SPINT2: variants seen among roughly 807,000 people sequenced by gnomAD.
The protein encoded by SPINT2 is serine peptidase inhibitor, Kunitz type 2.
SPINT2 carries 18 observed loss-of-function variants against 30.1 expected under a neutral mutation model. The observed-to-expected ratio is 0.60, with a 90% CI of 0.41 to 0.89. SPINT2 has a LOEUF of 0.89. SPINT2 is among the 40% of genes least tolerant of loss of function. The probability of loss-of-function intolerance (pLI) is 0.00; values close to 1 mark genes in which losing one functional copy is unlikely to be tolerated. For synonymous variants in SPINT2, 139 were observed against 137.9 expected (o/e 1.01, Z -0.05); for missense variants, 276 against 334.3 (o/e 0.83, Z 1.36).
At chr19:38,272,806 A>C (rs1968472274) in intron 1 of SPINT2, among the ~76,000 whole-genome samples, 1 of 152,042 alleles carries the variant, frequency 6.6e-6, no homozygotes, top group South Asian at 2.1e-4. Context: ...TGCAACCTCC[A>C]CCTTCTGGGT....
Position 38,283,752 on chromosome 19 carries a change from T to C in SPINT2, c.232T>C (p.Tyr78His). ...GGGCTGTGACGGAAACAGCAATAAT[T>C]ACCTGACCAAGGAGGAGTGCCTCAA... ...YGGCDGNSNN[Y>H]LTKEECLKKC... Residue 78 changes from tyrosine to histidine, a missense_variant, in exon 2 of 7, where the codon TAC (tyrosine) becomes CAC (histidine). Transcript: ENST00000301244. The C allele has an allele frequency of 6.2e-7, 1 of 1,613,860 alleles. No homozygotes were observed. The highest frequency in any genetic ancestry group is 8.5e-7 in the Non-Finnish European group (1 of 1,179,996).
At chr19:38,283,604 C>T (rs767603600) in intron 1 of SPINT2, 23 bp from the exon 2 acceptor site, 2 of 1,613,696 alleles carry the variant, frequency 1.2e-6, no homozygotes, top group East Asian at 4.5e-5. Context: ...GCCAAGCTAA[C>T]CGGGTTGTGC....
At chr19:38,275,485 G>A (rs568510175) in intron 1 of SPINT2, among the ~76,000 whole-genome samples, 7 of 151,804 alleles carry the variant, frequency 4.6e-5, no homozygotes, top group Admixed American at 1.3e-4. Flanking sequence ...CCACTGTGCC[G>A]GGCTAAGTTT....
chr19:38,280,623 C>T (rs1208732489), intron 1 of SPINT2, among the ~76,000 whole-genome samples: 1 of 152,150 alleles, frequency 6.6e-6, no homozygotes, highest in African/African-American at 2.4e-5. Context: ...AACTGCCATC[C>T]ATCCCTCAAT....
intron 1 of SPINT2, among the ~76,000 whole-genome samples, chr19:38,275,380 A>G (rs1179009226): frequency 1.3e-5 from 2 of 152,050 alleles, no homozygotes; most frequent in Non-Finnish European, 2.9e-5. Flanking sequence ...GCTAGAGTGC[A>G]GTGGTGCGAT....
chr19:38,271,845 ATGT>A (rs1470282832), intron 1 of SPINT2, among the ~76,000 whole-genome samples: 1 of 151,510 alleles, frequency 6.6e-6, no homozygotes, highest in Non-Finnish European at 1.5e-5. Context: ...AAGAATTCAC[ATGT>A]TGTTTTACTC....
chr19:38,267,782 G>A (rs1407968672), intron 1 of SPINT2, among the ~76,000 whole-genome samples: 3 of 152,182 alleles, frequency 2.0e-5, no homozygotes, highest in Non-Finnish European at 4.4e-5. Context: ...CGGAGCTAAA[G>A]TTGGGAAGGA....
chr19:38,278,859 A>G (rs1000406065), intron 1 of SPINT2, among the ~76,000 whole-genome samples: 2 of 152,154 alleles, frequency 1.3e-5, no homozygotes, highest in African/African-American at 4.8e-5. Flanking sequence ...CACTGTTGTT[A>G]TTTGTGGTGG....
chr19:38,290,103 G>T lies in SPINT2; in HGVS notation c.392-16G>T, dbSNP rs1332476768. On this transcript the variant is annotated splice_polypyrimidine_tract_variant and intron_variant, in intron 4 of 6. Coordinates refer to ENST00000301244, the MANE Select transcript of SPINT2 (RefSeq NM_021102.4). The surrounding 1 kb of genome is among the most constrained non-coding windows in gnomAD (Gnocchi z 4.3). ...GGCCCTACTAATTTGTATTCCCTGG[G>T]CTGTCTTACTCCTAGAATACTGCAC... 2 of 1,612,288 alleles carry T rather than the reference G, an allele frequency of 1.2e-6. No individual in the cohort carries two copies. The highest frequency in any genetic ancestry group is 3.3e-5 in the Admixed American group (2 of 60,026).
At chr19:38,279,055 G>A (rs560650596) in intron 1 of SPINT2, among the ~76,000 whole-genome samples, 18 of 152,102 alleles carry the variant, frequency 1.2e-4, no homozygotes, top group African/African-American at 3.9e-4. Context: ...TGTCTTCAAC[G>A]AGGAGCTTCC....
chr19:38,280,149 C>T (rs893714288), intron 1 of SPINT2, among the ~76,000 whole-genome samples: 2 of 152,170 alleles, frequency 1.3e-5, no homozygotes, highest in African/African-American at 4.8e-5. Flanking sequence ...ATGAAGCCCC[C>T]AGCACGTCAA....
chr19:38,290,653 T>G lies in SPINT2; in HGVS notation c.592+78T>G, dbSNP rs1600352895. 6.5e-7 allele frequency: 1 copy of G among 1,533,886 alleles called. No homozygotes were observed. The highest frequency in any genetic ancestry group is 2.4e-5 in the East Asian group (1 of 42,490). Reference sequence around the variant, plus strand: ...GACTGAGCTCAGCCCTGCCCAGCTGTGGTTTACATTATCCTTCACTGTGAA... The same window carrying G: ...GACTGAGCTCAGCCCTGCCCAGCTGGGGTTTACATTATCCTTCACTGTGAA... On this transcript the variant is annotated intron_variant, in intron 6 of 6. Transcript: ENST00000301244. The surrounding 1 kb of genome is among the most constrained non-coding windows in gnomAD (Gnocchi z 4.3).
At chr19:38,283,514 C>T in intron 1 of SPINT2, 113 bp from the exon 2 acceptor site, 1 of 1,358,388 alleles carries the variant, frequency 7.4e-7, no homozygotes, top group Non-Finnish European at 1.0e-6. Flanking sequence ...CACAGGGGAA[C>T]TGCTGGAACT....
chr19:38,272,627 G>A (rs766470465), intron 1 of SPINT2, among the ~76,000 whole-genome samples: 15 of 152,210 alleles, frequency 9.9e-5, no homozygotes, highest in South Asian at 4.1e-4. Context: ...GGATTGAGGC[G>A]AGGGTAGACT....
chr19:38,283,928 G>A (rs868364792), intron 2 of SPINT2, 131 bp downstream of exon 2: 41 of 1,085,142 alleles, frequency 3.8e-5, no homozygotes, highest in Middle Eastern at 6.3e-4. Flanking sequence ...TGCAAGCTCC[G>A]CCTCCCGGGT....
intron 1 of SPINT2, among the ~76,000 whole-genome samples, chr19:38,273,833 TC>T (rs1968484570): frequency 6.6e-6 from 1 of 152,172 alleles, no homozygotes; most frequent in African/African-American, 2.4e-5. Context: ...TTGGTTGGAC[TC>T]TGTAGTGAAA....
intron 2 of SPINT2, among the ~76,000 whole-genome samples, chr19:38,285,542 A>T (rs532826667): frequency 3.9e-4 from 60 of 152,100 alleles, no homozygotes; most frequent in African/African-American, 1.4e-3. Context: ...ATGGAGTTTC[A>T]CCATGTTACC....
In SPINT2 at chr19:38,292,192, C is replaced by G; in HGVS notation, c.*186C>G. 1.4e-6 allele frequency: 1 copy of G among 721,768 alleles called. No individual in the cohort carries two copies. Among genetic ancestry groups the G allele is most frequent in the Non-Finnish European group, 2.3e-6 (1 of 439,382 alleles). 44.7% of individuals were successfully genotyped at this position (721,768 alleles called of 1,614,324 possible). ...TTGGAAATCCTCTAGGAGGCTCCTCCTCGCATGGCCTGCAGTCTGGCAGCA... is the reference window on the plus strand; with the variant it reads ...TTGGAAATCCTCTAGGAGGCTCCTCGTCGCATGGCCTGCAGTCTGGCAGCA... On this transcript the variant is annotated 3_prime_UTR_variant, in exon 7 of 7. Transcript: ENST00000301244.
chr19:38,274,599 C>T (rs1968494607), intron 1 of SPINT2, among the ~76,000 whole-genome samples: 1 of 152,120 alleles, frequency 6.6e-6, no homozygotes. Flanking sequence ...AGGCAGATCA[C>T]TTGAGGTTAG....
Sources: gnomAD v4.1 joint callset for allele counts (sites outside exome capture counted in the v4.1 genomes callset) on GRCh38, gnomAD v4.1.1 for gene constraint, Gnocchi (gnomAD v3.1) non-coding constraint, MANE v1.5 for transcripts, NCBI Gene and HGNC (gene_info 2026-07-23, HGNC 2026-07-21) for gene names.